Variants in PKHD1 observed in about 807,000 individuals in gnomAD.
PKHD1 encodes PKHD1 ciliary IPT domain containing fibrocystin/polyductin, also known as fibrocystin.
Under a neutral mutation model 412.0 loss-of-function variants are expected in PKHD1, and 291 were observed. The ratio of observed to expected loss-of-function variants is 0.71; its 90% CI spans 0.64 to 0.78. The LOEUF (loss-of-function observed/expected upper bound fraction) is 0.78. Ranked by LOEUF, PKHD1 falls within the 30% of genes least tolerant of loss-of-function variation. The pLI is 0.00. For synonymous variants in PKHD1, 1,777 were observed against 1,821.5 expected (o/e 0.98, Z 0.62); for missense variants, 4,825 against 4,950.7 (o/e 0.97, Z 0.76).
chr6:51,686,479 C>T (rs1412710948), intron 60 of PKHD1, among the ~76,000 whole-genome samples: 2 of 152,178 alleles, frequency 1.3e-5, no homozygotes, highest in Non-Finnish European at 2.9e-5. Flanking sequence ...CAATCCCACA[C>T]CCTCTTCTCT....
chr6:51,972,409 G>A (rs566038674), intron 35 of PKHD1, among the ~76,000 whole-genome samples: 2 of 152,322 alleles, frequency 1.3e-5, no homozygotes, highest in South Asian at 4.1e-4. Context: ...TTGATAATGT[G>A]CAAGGTTATT....
intron 32 of PKHD1, 92 bp from the exon 33 acceptor site, chr6:52,023,036 C>A: frequency 6.9e-7 from 1 of 1,444,478 alleles, no homozygotes; most frequent in Non-Finnish European, 9.7e-7. Context: ...CCTCACTACC[C>A]ATTCTTCTTT....
rs1807001223 is a variant in PKHD1, at chr6:52,052,374, G to A, written c.2140+702C>T. 1.3e-5 allele frequency among the ~76,000 whole-genome samples: 2 copies of A among 152,220 alleles called. 1 individual carries two copies. Among genetic ancestry groups the A allele is most frequent in the Admixed American group, 1.3e-4 (2 of 15,288 alleles). Reference sequence around the variant, plus strand: ...TAAGACTAGCGGGCAAGAGCCAGGTGAGACCACTGTGCCCAAGAGTGGTCA... The same window carrying A: ...TAAGACTAGCGGGCAAGAGCCAGGTAAGACCACTGTGCCCAAGAGTGGTCA... On this transcript the variant is annotated intron_variant, in intron 21 of 66. Coordinates refer to ENST00000371117, the MANE Select transcript of PKHD1 (RefSeq NM_138694.4).
intron 23 of PKHD1, among the ~76,000 whole-genome samples, chr6:52,048,226 C>T (rs1351239283): frequency 6.6e-6 from 1 of 152,218 alleles, no homozygotes; most frequent in African/African-American, 2.4e-5. Context: ...TGGTTAACTC[C>T]TTACAACAGT....
intron 52 of PKHD1, among the ~76,000 whole-genome samples, chr6:51,792,278 T>C (rs1403000820): frequency 6.6e-6 from 1 of 152,240 alleles, no homozygotes; most frequent in Non-Finnish European, 1.5e-5. Flanking sequence ...AATTCAACAC[T>C]ATAAATGACA....
At chr6:51,679,892 G>A (rs1428603076) in intron 60 of PKHD1, among the ~76,000 whole-genome samples, 1 of 152,026 alleles carries the variant, frequency 6.6e-6, no homozygotes, top group Non-Finnish European at 1.5e-5. Context: ...TGTCTCTGCT[G>A]TGAAAGATGT....
chr6:52,017,287 A>G (rs1438469453), intron 34 of PKHD1, 123 bp downstream of exon 34: 1 of 764,270 alleles, frequency 1.3e-6, no homozygotes, highest in Admixed American at 1.9e-5. Context: ...CCCCTCCAAG[A>G]GAGTTGTAGC....
chr6:51,913,767 A>C (rs1162476565), intron 37 of PKHD1, among the ~76,000 whole-genome samples: 3 of 152,100 alleles, frequency 2.0e-5, no homozygotes, highest in Non-Finnish European at 4.4e-5. Context: ...TGTACCAATA[A>C]TGTTCTAGGT....
chr6:51,762,485 A>G (rs927454763), intron 55 of PKHD1, among the ~76,000 whole-genome samples: 4 of 152,108 alleles, frequency 2.6e-5, no homozygotes, highest in Non-Finnish European at 5.9e-5. Context: ...AGCAAGCAAC[A>G]ACAGAGAGTA....
intron 4 of PKHD1, among the ~76,000 whole-genome samples, chr6:52,081,432 T>A (rs1024013010): frequency 2.0e-5 from 3 of 152,220 alleles, no homozygotes; most frequent in Admixed American, 6.5e-5. Flanking sequence ...ACACATCCCC[T>A]GCCCTCAAAG....
intron 60 of PKHD1, among the ~76,000 whole-genome samples, chr6:51,711,956 C>CA (rs1030369339): frequency 4.6e-5 from 7 of 151,992 alleles, no homozygotes; most frequent in African/African-American, 1.4e-4. Flanking sequence ...TGGAACTAGC[C>CA]AAAAAAATTG....
rs190054292 is a variant in PKHD1, at chr6:52,072,049, G to A, written c.602+66C>T. The stretch of plus-strand genomic sequence containing the variant: ...GTGGGGAGAGAAAGAGAGAGAATGT[G>A]TGTGTGTTGTATCCATGTGGACGAA... On this transcript the variant is annotated intron_variant, in intron 8 of 66. Transcript: ENST00000371117. 4.6e-4 allele frequency: 411 copies of A among 884,424 alleles called. 8 individuals carry two copies. In the Admixed American group the frequency reaches 6.8e-3, roughly 15 times the overall value. 54.8% of individuals were successfully genotyped at this position (884,424 alleles called of 1,614,324 possible). A position where few individuals can be genotyped will look rare whatever the true frequency, so the allele number is the denominator to read the frequency against.
intron 43 of PKHD1, among the ~76,000 whole-genome samples, chr6:51,888,284 CTT>C (rs1778520261): frequency 6.6e-6 from 1 of 152,196 alleles, no homozygotes; most frequent in Non-Finnish European, 1.5e-5. Context: ...TAAAATCTGA[CTT>C]CTCTCTCTTG....
chr6:52,082,902 A>C (rs747076885), intron 3 of PKHD1, among the ~76,000 whole-genome samples: 1 of 152,184 alleles, frequency 6.6e-6, no homozygotes, highest in Non-Finnish European at 1.5e-5. Flanking sequence ...GCACTATGCT[A>C]CACACTTCCA....
intron 60 of PKHD1, among the ~76,000 whole-genome samples, chr6:51,709,215 C>T: frequency 6.6e-6 from 1 of 152,180 alleles, no homozygotes; most frequent in East Asian, 1.9e-4. Flanking sequence ...TATCACACTA[C>T]ATTCCAAGTA....
chr6:51,885,784 G>A lies in PKHD1; in HGVS notation c.7215+83C>T, dbSNP rs531076516. ...AAGTCAATCCCATTTAAGTAGATAT[G>A]CATAATGAATTGCTGTGAGAAAACA... On this transcript the variant is annotated intron_variant, in intron 45 of 66. Transcript: ENST00000371117. The A allele has an allele frequency of 2.4e-5, 21 of 865,248 alleles. No homozygotes were observed. In the Admixed American group the frequency reaches 2.6e-4, roughly 11 times the overall value. 53.6% of individuals were successfully genotyped at this position (865,248 alleles called of 1,614,324 possible).
At chr6:51,677,495 G>A (rs781636543) in intron 60 of PKHD1, among the ~76,000 whole-genome samples, 21 of 152,114 alleles carry the variant, frequency 1.4e-4, no homozygotes, top group Non-Finnish European at 2.1e-4. Context: ...TAGACTTCAG[G>A]AACTACAGAT....
intron 52 of PKHD1, among the ~76,000 whole-genome samples, chr6:51,819,482 T>G (rs889899588): frequency 6.6e-6 from 1 of 152,096 alleles, no homozygotes; most frequent in Non-Finnish European, 1.5e-5. Flanking sequence ...TTGAATTTAC[T>G]TCTATGCCAG....
chr6:51,619,338 G>T lies in PKHD1; in HGVS notation c.11968C>A (p.Gln3990Lys). 6.2e-7 allele frequency: 1 copy of T among 1,614,228 alleles called. No individual in the cohort carries two copies. The highest frequency in any genetic ancestry group is 1.1e-5 in the South Asian group (1 of 91,086). Residue 3990 changes from glutamine to lysine, a missense_variant, in exon 67 of 67, where the codon CAG becomes AAG. By Grantham distance (53) the Gln-to-Lys change is moderately conservative (BLOSUM62 1). Transcript: ENST00000371117. ...HICAPGAPAQ[Q>K]VYLQETGNWK... Reference sequence around the variant, plus strand: ...TTCCCAGTCTCTTGCAGGTACACCTGCTGAGCAGGAGCACCTGGAGCACAG... The same window carrying T: ...TTCCCAGTCTCTTGCAGGTACACCTTCTGAGCAGGAGCACCTGGAGCACAG...
Sources: gnomAD v4.1 joint callset for allele counts (sites outside exome capture counted in the v4.1 genomes callset) on GRCh38, gnomAD v4.1.1 for gene constraint, MANE v1.5 for transcripts, NCBI Gene and HGNC (gene_info 2026-07-23, HGNC 2026-07-21) for gene names.